Variants in ABCA8 observed in about 807,000 individuals in gnomAD.
ABCA8 encodes ABC-type organic anion transporter ABCA8.
In ABCA8, 177 loss-of-function variants were observed where a neutral mutation model predicts 192.3. The ratio of observed to expected loss-of-function variants is 0.92; its 90% CI spans 0.81 to 1.04. The LOEUF is 1.04. ABCA8 is among the 50% of genes least tolerant of loss of function. The pLI, the probability that ABCA8 is intolerant of heterozygous loss-of-function variation, is 0.00. For missense variants in ABCA8, 1,915 were observed against 1,904.8 expected (o/e 1.01, Z -0.10); for synonymous variants, 642 against 690.2 (o/e 0.93, Z 1.09).
chr17:68,902,044 A>G (rs1014051774), intron 21 of ABCA8, among the ~76,000 whole-genome samples: 2 of 152,248 alleles, frequency 1.3e-5, no homozygotes, highest in Non-Finnish European at 2.9e-5. Flanking sequence ...GAAAAAATAT[A>G]TCCATCTGCT....
intron 37 of ABCA8, among the ~76,000 whole-genome samples, chr17:68,872,923 A>T (rs2066103026): frequency 6.6e-6 from 1 of 152,256 alleles, no homozygotes; most frequent in Non-Finnish European, 1.5e-5. Context: ...ACTACAAAAA[A>T]GTTAAAAAGT....
Position 68,882,665 on chromosome 17 carries a change from C to G in ABCA8, c.3762G>C (p.Glu1254Asp), listed in dbSNP as rs1298342941. The G allele has an allele frequency of 6.2e-7, 1 of 1,612,786 alleles. No homozygotes were observed. The highest frequency in any genetic ancestry group is 1.1e-5 in the South Asian group (1 of 91,020). Residue 1254 changes from glutamate (E) to aspartate (D), a missense_variant, in exon 30 of 40, where the codon GAG (glutamate) becomes GAC (aspartate). Glu to Asp is a conservative substitution (Grantham distance 45, BLOSUM62 2). Coordinates refer to ENST00000586539, the MANE Select transcript of ABCA8 (RefSeq NM_001288985.2). ...VCQNPEEPEG[E>D]DEDVQMERVR... is the part of the protein sequence containing the mutation. ...CTCTTTCCATCTGAACATCTTCATCCTCTCCTTCTGGTTCTTCTGGATTTT... is the reference window on the plus strand; with the variant it reads ...CTCTTTCCATCTGAACATCTTCATCGTCTCCTTCTGGTTCTTCTGGATTTT...
At chr17:68,937,186 A>C in intron 4 of ABCA8, 71 bp from the exon 5 acceptor site, 1 of 1,316,990 alleles carries the variant, frequency 7.6e-7, no homozygotes, top group Non-Finnish European at 1.0e-6. Flanking sequence ...GTCATGTTGA[A>C]TTGCTTTTAC....
intron 4 of ABCA8, among the ~76,000 whole-genome samples, chr17:68,938,993 A>G (rs1342803891): frequency 6.6e-6 from 1 of 152,170 alleles, no homozygotes; most frequent in African/African-American, 2.4e-5. Context: ...ATACAGAAAA[A>G]TCATGCCCAT....
At chr17:68,915,702 T>C (rs28895418) in intron 17 of ABCA8, among the ~76,000 whole-genome samples, 4,927 of 152,278 alleles carry the variant, frequency 0.032, 262 homozygotes, top group African/African-American at 0.11. Flanking sequence ...ACAGCCACTA[T>C]AGACAACGTT....
At chr17:68,917,035 C>T (rs1394678193) in intron 17 of ABCA8, among the ~76,000 whole-genome samples, 1 of 151,986 alleles carries the variant, frequency 6.6e-6, no homozygotes, top group African/African-American at 2.4e-5. Flanking sequence ...TTTGGGAGGC[C>T]GAGGCGGGCG....
intron 26 of ABCA8, among the ~76,000 whole-genome samples, chr17:68,885,534 T>G (rs1011335254): frequency 2.6e-5 from 4 of 152,050 alleles, no homozygotes; most frequent in African/African-American, 4.8e-5. Flanking sequence ...TAGGATGTGA[T>G]ATGCAGAATT....
chr17:68,886,179 G>A (rs960798047), intron 26 of ABCA8, among the ~76,000 whole-genome samples: 8 of 152,070 alleles, frequency 5.3e-5, no homozygotes, highest in African/African-American at 1.9e-4. Context: ...CATTTTTATG[G>A]CTATCAAAGT....
rs960443964 is a variant in ABCA8, at chr17:68,868,068, A to C, written c.*17T>G. 3.2e-6 allele frequency: 5 copies of C among 1,575,004 alleles called. No individual in the cohort carries two copies. The African/African-American group carries it at 6.9e-5, about 22-fold the overall frequency. On this transcript the variant is annotated 3_prime_UTR_variant, in exon 40 of 40. Transcript: ENST00000586539. ...AAAAAAACCACGGGTTTAAACAGGA[A>C]CACAGAATTTGGGGTTTTAAGGCTC...
At chr17:68,876,207 G>C in intron 35 of ABCA8, 1 of 557,124 alleles carries the variant, frequency 1.8e-6, no homozygotes, top group Admixed American at 3.1e-5. Context: ...AAGATCAGCT[G>C]AGCGCTTATG....
chr17:68,879,458 T>C (rs2143275372), intron 32 of ABCA8: 1 of 152,356 alleles, frequency 6.6e-6, no homozygotes, highest in Middle Eastern at 3.4e-3. Flanking sequence ...TGATGGTGGC[T>C]GCAGCCCGTC....
chr17:68,918,040 T>C lies in ABCA8; in HGVS notation c.2047+7A>G. 6.2e-7 allele frequency: 1 copy of C among 1,613,892 alleles called. No homozygotes were observed. Among genetic ancestry groups the C allele is most frequent in the Non-Finnish European group, 8.5e-7 (1 of 1,179,974 alleles). The stretch of plus-strand genomic sequence containing the variant: ...CCTCAGGATACTTAACAGAAACCAG[T>C]GATTACCCGCCAGGATGTCGGCCTC... On this transcript the variant is annotated splice_region_variant and intron_variant, in intron 16 of 39. Transcript: ENST00000586539.
intron 4 of ABCA8, among the ~76,000 whole-genome samples, chr17:68,939,676 C>T (rs926833701): frequency 2.6e-5 from 4 of 152,126 alleles, no homozygotes; most frequent in African/African-American, 7.2e-5. Flanking sequence ...AGATTTACTT[C>T]TGTTGGTGAT....
rs763479264 is a variant in ABCA8, at chr17:68,918,098, G to A, written c.1996C>T (p.Arg666Cys). Residue 666 changes from arginine (R) to cysteine (C), a missense_variant, in exon 16 of 40, where the codon CGC becomes TGC. Coordinates refer to ENST00000586539, the MANE Select transcript of ABCA8 (RefSeq NM_001288985.2). ...AACTGGGTACTGAAGAGGATCACGC[G>A]GTCTGTTTTGCGTTCTTTCAGAAGG... is the stretch of plus-strand genomic sequence containing the variant. The part of the protein sequence containing the change: ...WNLLKERKTD[R>C]VILFSTQFMD... 3.1e-6 allele frequency: 5 copies of A among 1,614,016 alleles called. No homozygotes were observed. Among genetic ancestry groups the A allele is most frequent in the Non-Finnish European group, 4.2e-6 (5 of 1,180,032 alleles).
intron 2 of ABCA8, among the ~76,000 whole-genome samples, chr17:68,947,866 G>A (rs939294365): frequency 2.0e-5 from 3 of 152,200 alleles, no homozygotes; most frequent in South Asian, 2.1e-4. Context: ...GCACGCATTA[G>A]GTATTTGTTC....
chr17:68,930,804 T>G (rs1023948885), intron 7 of ABCA8, among the ~76,000 whole-genome samples: 1 of 152,206 alleles, frequency 6.6e-6, no homozygotes, highest in Non-Finnish European at 1.5e-5. Flanking sequence ...ATGTATAAGA[T>G]GTTAATACTG....
chr17:68,910,844 G>A (rs1431821594), intron 17 of ABCA8, among the ~76,000 whole-genome samples: 1 of 152,172 alleles, frequency 6.6e-6, no homozygotes, highest in Non-Finnish European at 1.5e-5. Flanking sequence ...GGCCAGAAGG[G>A]CACCTGCTGC....
At chr17:68,951,992 T>C (rs77309927) in intron 1 of ABCA8, among the ~76,000 whole-genome samples, 9,010 of 152,282 alleles carry the variant, frequency 0.059, 414 homozygotes, top group East Asian at 0.24. Context: ...TACCTTCTAT[T>C]GAATTGAAAA....
chr17:68,875,191 A>G lies in ABCA8; in HGVS notation c.4631+69T>C, dbSNP rs2066166069. 5.1e-6 allele frequency: 8 copies of G among 1,583,840 alleles called. No individual in the cohort carries two copies. In the Admixed American group the frequency reaches 1.4e-4, roughly 28 times the overall value. On this transcript the variant is annotated intron_variant, in intron 37 of 39. Transcript: ENST00000586539. Reference sequence around the variant, plus strand: ...TTTTAGGTTTTCCTTTTGAATGACTATCACTCAACATAACTGACAAGTAAC... The same window carrying G: ...TTTTAGGTTTTCCTTTTGAATGACTGTCACTCAACATAACTGACAAGTAAC...
Sources: gnomAD v4.1 joint callset for allele counts (sites outside exome capture counted in the v4.1 genomes callset) on GRCh38, gnomAD v4.1.1 for gene constraint, MANE v1.5 for transcripts, NCBI Gene and HGNC (gene_info 2026-07-23, HGNC 2026-07-21) for gene names.